Variants in SRBD1 observed in about 807,000 individuals in gnomAD.
SRBD1 encodes the protein S1 RNA-binding domain-containing protein 1.
A neutral mutation model predicts 115.3 loss-of-function variants in SRBD1; 88 were observed. That is an observed-to-expected ratio of 0.76 (90% CI 0.64 to 0.91). The LOEUF (loss-of-function observed/expected upper bound fraction) is 0.91, where lower values mean the gene tolerates loss of function less well. SRBD1 is among the 40% of genes least tolerant of loss of function. The pLI is 0.00. For synonymous variants in SRBD1, 509 were observed against 407.7 expected (o/e 1.25, Z -2.99); for missense variants, 1,385 against 1,177.4 (o/e 1.18, Z -2.58).
chr2:45,530,959 A>C (rs966082129), intron 14 of SRBD1, among the ~76,000 whole-genome samples: 14 of 148,080 alleles, frequency 9.5e-5, no homozygotes, highest in African/African-American at 2.7e-4. Context: ...AACAAAGACA[A>C]ATGGGCAAGA....
chr2:45,599,460 C>A lies in SRBD1; in HGVS notation c.637G>T (p.Asp213Tyr). The change falls in exon 4 of 21, where the codon GAC (aspartate) becomes TAC (tyrosine). Residue 213 changes from aspartate (D) to tyrosine (Y), a missense_variant. Coordinates refer to ENST00000263736, the MANE Select transcript of SRBD1 (RefSeq NM_018079.5). ...STKEEVEMNW[D>Y]MVQVLSERTN... is the part of the protein sequence containing the mutation. ...AAGGCTGCACATACCTGTACCATGT[C>A]CCAATTCATTTCCACCTCCTCTTTA... The A allele has an allele frequency of 6.2e-7, 1 of 1,613,416 alleles. No homozygotes were observed. Among genetic ancestry groups the A allele is most frequent in the Non-Finnish European group, 8.5e-7 (1 of 1,179,602 alleles).
intron 16 of SRBD1, among the ~76,000 whole-genome samples, chr2:45,444,482 C>A (rs1393844479): frequency 6.6e-6 from 1 of 152,012 alleles, no homozygotes; most frequent in Non-Finnish European, 1.5e-5. Flanking sequence ...TTTTTTAAAT[C>A]TTTTTTCCTT....
intron 19 of SRBD1, among the ~76,000 whole-genome samples, chr2:45,405,897 T>A (rs1667422974): frequency 6.7e-6 from 1 of 149,626 alleles, no homozygotes; most frequent in Non-Finnish European, 1.5e-5. Context: ...AAAGAAGGAG[T>A]GATGGGTTAG....
chr2:45,459,727 CCTTAT>C (rs1301725915), intron 16 of SRBD1, among the ~76,000 whole-genome samples: 2 of 152,056 alleles, frequency 1.3e-5, no homozygotes, highest in African/African-American at 4.8e-5. Context: ...ATATCGGTAT[CCTTAT>C]CTTATTTTCC....
chr2:45,488,370 T>C, intron 14 of SRBD1, 39 bp from the exon 15 acceptor site: 1 of 1,569,532 alleles, frequency 6.4e-7, no homozygotes, highest in Non-Finnish European at 8.7e-7. Context: ...CTTTCCTAAC[T>C]TCCTGCCTGG....
chr2:45,414,259 G>C (rs1381076490), intron 18 of SRBD1, among the ~76,000 whole-genome samples: 2 of 152,048 alleles, frequency 1.3e-5, no homozygotes, highest in African/African-American at 4.8e-5. Context: ...CCCATACCAA[G>C]CTCTAAAAGA....
chr2:45,439,579 T>C (rs1165981548), intron 16 of SRBD1, among the ~76,000 whole-genome samples: 1 of 151,664 alleles, frequency 6.6e-6, no homozygotes, highest in Non-Finnish European at 1.5e-5. Context: ...AAAAATGATT[T>C]GATTTTCTGC....
intron 15 of SRBD1, among the ~76,000 whole-genome samples, chr2:45,485,358 T>C (rs1436706698): frequency 6.7e-6 from 1 of 150,286 alleles, no homozygotes; most frequent in Non-Finnish European, 1.5e-5. Flanking sequence ...GCTTCAAATC[T>C]TGTTGTTGTT....
chr2:45,407,834 C>T (rs922872196), intron 19 of SRBD1, among the ~76,000 whole-genome samples: 1 of 151,846 alleles, frequency 6.6e-6, no homozygotes, highest in Non-Finnish European at 1.5e-5. Flanking sequence ...TAACAAAGGG[C>T]TTTAATATTC....
At chr2:45,591,953 T>G (rs1558500096) in intron 4 of SRBD1, among the ~76,000 whole-genome samples, 1 of 152,156 alleles carries the variant, frequency 6.6e-6, no homozygotes, top group Non-Finnish European at 1.5e-5. Context: ...AATCTCAACT[T>G]GAATTGTATC....
intron 16 of SRBD1, among the ~76,000 whole-genome samples, chr2:45,444,797 G>T (rs2103721488): frequency 6.6e-6 from 1 of 152,270 alleles, no homozygotes; most frequent in Non-Finnish European, 1.5e-5. Flanking sequence ...CACTCAAGTT[G>T]GGGAACTCCT....
chr2:45,482,789 C>A (rs913849934), intron 15 of SRBD1, among the ~76,000 whole-genome samples: 1 of 152,000 alleles, frequency 6.6e-6, no homozygotes, highest in African/African-American at 2.4e-5. Flanking sequence ...CCTGCAGACA[C>A]CAAAATCTGC....
chr2:45,502,344 G>T (rs553145848), intron 14 of SRBD1, among the ~76,000 whole-genome samples: 2 of 152,174 alleles, frequency 1.3e-5, no homozygotes, highest in African/African-American at 4.8e-5. Context: ...GATACCCAAA[G>T]GATTATAAAT....
chr2:45,552,571 A>G lies in SRBD1; in HGVS notation c.1517+1052T>C, dbSNP rs1233372645. Reference sequence around the variant, plus strand: ...GAGAAAACAATAAAAAGAAAAACATACAAAAAGAAATTGAAATTTTAAATA... The same window carrying G: ...GAGAAAACAATAAAAAGAAAAACATGCAAAAAGAAATTGAAATTTTAAATA... On this transcript the variant is annotated intron_variant, in intron 11 of 20. Coordinates refer to ENST00000263736, the MANE Select transcript of SRBD1 (RefSeq NM_018079.5). Among the ~76,000 whole-genome samples the G allele has an allele frequency of 2.0e-5, 3 of 152,206 alleles. No homozygotes were observed. The East Asian group carries it at 5.8e-4, about 29-fold the overall frequency.
chr2:45,472,598 T>A (rs900516475), intron 16 of SRBD1, among the ~76,000 whole-genome samples: 4 of 152,202 alleles, frequency 2.6e-5, no homozygotes, highest in African/African-American at 4.8e-5. Context: ...ATCTCCTGCC[T>A]CAGTGTTCTG....
In SRBD1 at chr2:45,413,134, T is replaced by C; in HGVS notation, c.2493A>G (p.Glu831=). The C allele has an allele frequency of 6.2e-7, 1 of 1,613,968 alleles. No individual in the cohort carries two copies. Among genetic ancestry groups the C allele is most frequent in the Non-Finnish European group, 8.5e-7 (1 of 1,179,930 alleles). ...NPLDQTCIHP[E]SYDIAMRFLS... Reference sequence around the variant, plus strand: ...CTTACCTCATTGCTATGTCATATGATTCTGGATGAATACAAGTTTGGTCCA... The same window carrying C: ...CTTACCTCATTGCTATGTCATATGACTCTGGATGAATACAAGTTTGGTCCA... The change falls in exon 19 of 21, where the codon GAA becomes GAG. Residue 831 remains glutamate, a synonymous_variant. Coordinates refer to ENST00000263736, the MANE Select transcript of SRBD1 (RefSeq NM_018079.5).
intron 16 of SRBD1, among the ~76,000 whole-genome samples, chr2:45,450,104 G>A (rs929599722): frequency 2.0e-5 from 3 of 152,126 alleles, no homozygotes; most frequent in African/African-American, 7.2e-5. Context: ...AGAAGCACAG[G>A]AGGCCTACGA....
At chr2:45,529,106 C>G (rs1671536406) in intron 14 of SRBD1, among the ~76,000 whole-genome samples, 1 of 151,784 alleles carries the variant, frequency 6.6e-6, no homozygotes, top group African/African-American at 2.4e-5. Context: ...ATTAACAGTA[C>G]TATAGTAAGA....
rs190074005 is a variant in SRBD1, at chr2:45,601,967, C to A, written c.197G>T (p.Arg66Leu). Residue 66 changes from arginine (R) to leucine (L), a missense_variant, in exon 3 of 21, where the codon CGG (arginine) becomes CTG (leucine). Physicochemically the swap from Arg to Leu is moderately radical, Grantham distance 102. Transcript: ENST00000263736. ...GATCTGTGGGGCATTCTTCTTCACCCGAGGCATCCTCTTTGGTTTGGATTC... is the reference window on the plus strand; with the variant it reads ...GATCTGTGGGGCATTCTTCTTCACCAGAGGCATCCTCTTTGGTTTGGATTC... Reference protein sequence around the residue: ...PKESKPKRMPRVKKNAPQISD... With the variant: ...PKESKPKRMPLVKKNAPQISD... 3 of 1,614,078 alleles carry A rather than the reference C, an allele frequency of 1.9e-6. No homozygotes were observed. The highest frequency in any genetic ancestry group is 1.1e-5 in the South Asian group (1 of 91,082).
Sources: gnomAD v4.1 joint callset for allele counts (sites outside exome capture counted in the v4.1 genomes callset) on GRCh38, gnomAD v4.1.1 for gene constraint, MANE v1.5 for transcripts, NCBI Gene and HGNC (gene_info 2026-07-23, HGNC 2026-07-21) for gene names.